ADAMTS12: variants seen among roughly 807,000 people sequenced by gnomAD.
ADAMTS12 encodes the protein ADAM metallopeptidase with thrombospondin type 1 motif 12.
In ADAMTS12, 118 loss-of-function variants were observed where a neutral mutation model predicts 167.8. The observed-to-expected ratio is 0.70, with a 90% CI of 0.61 to 0.82. The LOEUF (loss-of-function observed/expected upper bound fraction) is 0.82, where lower values mean the gene tolerates loss of function less well. ADAMTS12 is among the 40% of genes least tolerant of loss of function. ADAMTS12 has a pLI of 0.00. For missense variants in ADAMTS12, 1,916 were observed against 1,998.8 expected (o/e 0.96, Z 0.79); for synonymous variants, 704 against 716.9 (o/e 0.98, Z 0.29).
intron 3 of ADAMTS12, among the ~76,000 whole-genome samples, chr5:33,691,493 G>T (rs753033176): frequency 6.6e-6 from 1 of 152,216 alleles, no homozygotes; most frequent in South Asian, 2.1e-4. Flanking sequence ...GGAATGGAAT[G>T]CTTTCTTTTT....
chr5:33,818,122 G>A (rs889525778), intron 2 of ADAMTS12, among the ~76,000 whole-genome samples: 1 of 151,916 alleles, frequency 6.6e-6, no homozygotes, highest in Non-Finnish European at 1.5e-5. Flanking sequence ...ACAAGAGCAG[G>A]TAAAATCTAC....
intron 5 of ADAMTS12, among the ~76,000 whole-genome samples, chr5:33,669,629 G>T (rs141323549): frequency 6.6e-6 from 1 of 151,672 alleles, no homozygotes; most frequent in Non-Finnish European, 1.5e-5. Context: ...TTGAATATAC[G>T]AGTTGAAGGC....
intron 19 of ADAMTS12, among the ~76,000 whole-genome samples, chr5:33,573,152 A>G (rs1399620905): frequency 1.3e-5 from 2 of 152,120 alleles, no homozygotes; most frequent in Non-Finnish European, 2.9e-5. Context: ...AAGAATCAAT[A>G]TCGTGAAAAT....
At chr5:33,615,128 G>A (rs907272310) in intron 15 of ADAMTS12, among the ~76,000 whole-genome samples, 3 of 152,144 alleles carry the variant, frequency 2.0e-5, no homozygotes, top group Non-Finnish European at 4.4e-5. Context: ...GTTGCTCCCT[G>A]GGACTGGGGA....
intron 21 of ADAMTS12, among the ~76,000 whole-genome samples, chr5:33,548,962 C>G (rs1424247904): frequency 6.6e-6 from 1 of 152,180 alleles, no homozygotes; most frequent in Non-Finnish European, 1.5e-5. Flanking sequence ...GACCAGGTTG[C>G]AACACAACAC....
At position 33,683,895 on chromosome 5, in the gene ADAMTS12, C is replaced by G. The variant is rs1742222615; in HGVS notation, c.795G>C (p.Glu265Asp). 1 of 1,585,168 alleles carries G rather than the reference C, an allele frequency of 6.3e-7. No individual in the cohort carries two copies. Among genetic ancestry groups the G allele is most frequent in the African/African-American group, 1.4e-5 (1 of 73,742 alleles). Residue 265 changes from glutamate (E) to aspartate (D), a missense_variant, in exon 4 of 24, where the codon GAG becomes GAC. Glu to Asp is a conservative substitution (Grantham distance 45). Transcript: ENST00000504830. ...DTKMIEYHGS[E>D]NVESYILTIM... ...TGGTGAGGATGTAGGACTCCACATT[C>G]TCACTCCCATGGTATTCAATCATCT...
chr5:33,558,029 C>T (rs929530471), intron 20 of ADAMTS12, among the ~76,000 whole-genome samples: 7 of 151,942 alleles, frequency 4.6e-5, no homozygotes, highest in African/African-American at 9.7e-5. Context: ...AAAACAAGCT[C>T]AGGGCTCCCA....
At chr5:33,703,719 G>T (rs1368307458) in intron 3 of ADAMTS12, among the ~76,000 whole-genome samples, 2 of 152,224 alleles carry the variant, frequency 1.3e-5, no homozygotes, top group East Asian at 3.9e-4. Context: ...GTCACAAATG[G>T]CAGTGCTATC....
At chr5:33,733,147 A>AT (rs1744248970) in intron 3 of ADAMTS12, among the ~76,000 whole-genome samples, 1 of 151,948 alleles carries the variant, frequency 6.6e-6, no homozygotes, top group African/African-American at 2.4e-5. Context: ...AGTGACTTTT[A>AT]TTTTCCTCAT....
chr5:33,840,034 A>G (rs1472311587), intron 2 of ADAMTS12: 5 of 152,220 alleles, frequency 3.3e-5, no homozygotes, highest in Admixed American at 3.3e-4. Flanking sequence ...AAGCAAACTC[A>G]CTAATTCCCC....
chr5:33,845,331 G>A (rs1366479649), intron 2 of ADAMTS12, among the ~76,000 whole-genome samples: 1 of 152,132 alleles, frequency 6.6e-6, no homozygotes, highest in Non-Finnish European at 1.5e-5. Context: ...AATGACCCTA[G>A]AACATCTTAT....
At chr5:33,770,098 C>A (rs1019349087) in intron 2 of ADAMTS12, among the ~76,000 whole-genome samples, 1 of 152,090 alleles carries the variant, frequency 6.6e-6, no homozygotes, top group Admixed American at 6.6e-5. Flanking sequence ...CAAAGTCTCA[C>A]CATCCATGGA....
At chr5:33,681,864 G>C (rs997409961) in intron 5 of ADAMTS12, among the ~76,000 whole-genome samples, 1 of 152,186 alleles carries the variant, frequency 6.6e-6, no homozygotes, top group Non-Finnish European at 1.5e-5. Context: ...CAGAAAGGTA[G>C]ATGGAGGAAA....
chr5:33,875,169 A>T (rs1326409523), intron 2 of ADAMTS12, among the ~76,000 whole-genome samples: 1 of 152,238 alleles, frequency 6.6e-6, no homozygotes, highest in Non-Finnish European at 1.5e-5. Context: ...TTCCAGGGGT[A>T]GGAGAGTGGA....
intron 3 of ADAMTS12, among the ~76,000 whole-genome samples, chr5:33,705,020 T>C (rs1387716715): frequency 6.6e-6 from 1 of 152,098 alleles, no homozygotes; most frequent in East Asian, 1.9e-4. Flanking sequence ...AATTTTATGC[T>C]TTTGCATGTG....
intron 16 of ADAMTS12, among the ~76,000 whole-genome samples, chr5:33,608,717 G>A (rs1017228791): frequency 6.6e-6 from 1 of 152,198 alleles, no homozygotes; most frequent in African/African-American, 2.4e-5. Context: ...AGTGACCATG[G>A]AGAGCATCAC....
chr5:33,556,925 G>T (rs557298511), intron 20 of ADAMTS12, among the ~76,000 whole-genome samples: 1 of 152,204 alleles, frequency 6.6e-6, no homozygotes, highest in Admixed American at 6.5e-5. Flanking sequence ...TCTTTCACCA[G>T]CCTGTGGCCC....
intron 3 of ADAMTS12, among the ~76,000 whole-genome samples, chr5:33,747,366 T>C (rs571493105): frequency 6.6e-6 from 1 of 151,740 alleles, no homozygotes; most frequent in South Asian, 2.1e-4. Flanking sequence ...CATAATGAGA[T>C]ACCACTTCAT....
chr5:33,658,895 C>T (rs1029722940), intron 6 of ADAMTS12, among the ~76,000 whole-genome samples: 2 of 152,124 alleles, frequency 1.3e-5, no homozygotes, highest in Non-Finnish European at 2.9e-5. Context: ...TGTGCATGTA[C>T]ATCTAGAATC....
Sources: allele counts gnomAD v4.1 joint callset (sites outside exome capture counted in the v4.1 genomes callset), GRCh38; gene constraint gnomAD v4.1.1; transcripts MANE v1.5; gene names NCBI Gene and HGNC (gene_info 2026-07-23, HGNC 2026-07-21).